SASH1: variants seen among roughly 807,000 people sequenced by gnomAD.
SASH1 encodes the protein SAM and SH3 domain-containing protein 1.
SASH1 carries 44 observed loss-of-function variants against 125.2 expected under a neutral mutation model. That is an observed-to-expected ratio of 0.35 (90% CI 0.28 to 0.45). The LOEUF is 0.45. Among genes scored for constraint, SASH1 ranks in the 20% least tolerant of loss-of-function variants. The pLI is 1.00. For missense variants in SASH1, 1,426 were observed against 1,614.5 expected (o/e 0.88, Z 2.00); for synonymous variants, 639 against 649.1 (o/e 0.98, Z 0.24).
intron 1 of SASH1, among the ~76,000 whole-genome samples, chr6:148,317,789 G>C: frequency 6.6e-6 from 1 of 152,156 alleles, no homozygotes; most frequent in East Asian, 1.9e-4. Context: ...ATCCATTCAG[G>C]TTCCATTCAT....
chr6:148,531,347 G>A (rs1203692241), intron 12 of SASH1, among the ~76,000 whole-genome samples, 179 bp from the exon 13 acceptor site: 2 of 152,144 alleles, frequency 1.3e-5, no homozygotes, highest in East Asian at 3.8e-4. Flanking sequence ...AGTGACATTG[G>A]CCACGACTTT....
intron 1 of SASH1, among the ~76,000 whole-genome samples, chr6:148,318,645 C>T (rs1205498654): frequency 7.7e-6 from 1 of 130,334 alleles, no homozygotes; most frequent in Non-Finnish European, 1.7e-5. Flanking sequence ...CTCCGCCTCC[C>T]GGGTTCAAGC....
rs185953825 is a variant in SASH1, at chr6:148,420,952, G to A, written c.286-19232G>A. ...ACAAAAATTAGCTGGGTGTGTTGGCGCGTGCCTGTAATCCCAGCTACTCAG... is the reference window on the plus strand; with the variant it reads ...ACAAAAATTAGCTGGGTGTGTTGGCACGTGCCTGTAATCCCAGCTACTCAG... On this transcript the variant is annotated intron_variant, in intron 2 of 19. Coordinates refer to ENST00000367467, the MANE Select transcript of SASH1 (RefSeq NM_015278.5). 2.9e-4 allele frequency among the ~76,000 whole-genome samples: 44 copies of A among 151,920 alleles called. No individual in the cohort carries two copies. The East Asian group carries it at 6.0e-3, about 21-fold the overall frequency.
chr6:148,376,637 G>GCAT (rs1168268528), intron 1 of SASH1, among the ~76,000 whole-genome samples: 1 of 151,974 alleles, frequency 6.6e-6, no homozygotes, highest in Non-Finnish European at 1.5e-5. Flanking sequence ...TGAGGCAAGA[G>GCAT]CATCACATTG....
At chr6:148,308,778 T>C (rs1056250708) in intron 1 of SASH1, among the ~76,000 whole-genome samples, 1 of 151,440 alleles carries the variant, frequency 6.6e-6, no homozygotes, top group African/African-American at 2.4e-5. Context: ...TTGTTCCTTG[T>C]CAGTCCATAA....
At chr6:148,305,789 A>G (rs1163207352) in intron 1 of SASH1, among the ~76,000 whole-genome samples, 3 of 152,216 alleles carry the variant, frequency 2.0e-5, no homozygotes, top group Non-Finnish European at 4.4e-5. Context: ...AACCAAAGAT[A>G]GTGACGCACC....
intron 1 of SASH1, among the ~76,000 whole-genome samples, chr6:148,388,190 C>A (rs1310774930): frequency 2.0e-5 from 3 of 152,148 alleles, no homozygotes; most frequent in African/African-American, 4.8e-5. Context: ...GCTGGGATTA[C>A]AGGCGTGAGC....
At chr6:148,437,196 T>G (rs564657747) in intron 2 of SASH1, among the ~76,000 whole-genome samples, 1 of 152,320 alleles carries the variant, frequency 6.6e-6, no homozygotes, top group South Asian at 2.1e-4. Context: ...ATTTTGCCAA[T>G]AGTTTATTCC....
chr6:148,280,650 G>GA (rs1232125595), intron 1 of SASH1, among the ~76,000 whole-genome samples: 1 of 151,654 alleles, frequency 6.6e-6, no homozygotes, highest in East Asian at 1.9e-4. Flanking sequence ...CCTACAAAAA[G>GA]AAAAAAAATT....
chr6:148,257,329 A>G, the SASH1 span, among the ~76,000 whole-genome samples: 1 of 152,178 alleles, frequency 6.6e-6, no homozygotes, highest in East Asian at 1.9e-4. Flanking sequence ...CCTGAGTCAC[A>G]TAGGGTTGGC....
intron 8 of SASH1, chr6:148,514,096 G>C: frequency 8.0e-7 from 1 of 1,254,408 alleles, no homozygotes; most frequent in Non-Finnish European, 1.0e-6. Flanking sequence ...ACTTGCCCTT[G>C]AGGGCAAGGA....
In SASH1 at chr6:148,343,118, CGAGCCG is replaced by C. The variant is rs1229112509; in HGVS notation, c.57_62del (p.Glu22_Pro23del). On this transcript the variant is annotated inframe_deletion, in exon 1 of 20. Coordinates refer to ENST00000367467, the MANE Select transcript of SASH1 (RefSeq NM_015278.5). ...CGGGGCCGGAGCCTGAGCCCGAGCC[CGAGCCG>C]GAGCCCGAGCCCGCGCCGGAGCCGG... 1.0e-5 allele frequency: 16 copies of C among 1,588,194 alleles called. No individual in the cohort carries two copies. The highest frequency in any genetic ancestry group is 1.3e-5 in the Non-Finnish European group (15 of 1,174,188).
intron 17 of SASH1, among the ~76,000 whole-genome samples, 183 bp downstream of exon 17, chr6:148,540,739 TTAA>T (rs1782169496): frequency 6.6e-6 from 1 of 152,158 alleles, no homozygotes; most frequent in Admixed American, 6.5e-5. Context: ...CTGGGTGAGG[TTAA>T]TAAATTCTGT....
intron 7 of SASH1, among the ~76,000 whole-genome samples, chr6:148,475,715 T>G (rs1778311669): frequency 6.6e-6 from 1 of 152,168 alleles, no homozygotes. Flanking sequence ...TATACTCAGT[T>G]TAGTTTAATA....
chr6:148,548,815 A>G lies in SASH1; in HGVS notation c.*257A>G. On this transcript the variant is annotated 3_prime_UTR_variant, in exon 20 of 20. Transcript: ENST00000367467. ...GCACTTATTTTTATTTTCAGAAGAC[A>G]AAAGAACCAAGATGCCAACTGGCTG... is the stretch of plus-strand genomic sequence containing the variant. 2.5e-6 allele frequency: 1 copy of G among 398,940 alleles called. No homozygotes were observed. Among genetic ancestry groups the G allele is most frequent in the Non-Finnish European group, 4.4e-6 (1 of 224,800 alleles). 24.7% of individuals were successfully genotyped at this position (398,940 alleles called of 1,614,324 possible). A position where few individuals can be genotyped will look rare whatever the true frequency, so the allele number is the denominator to read the frequency against.
intron 2 of SASH1, among the ~76,000 whole-genome samples, chr6:148,396,937 C>T (rs1341919038): frequency 2.6e-5 from 4 of 152,140 alleles, no homozygotes; most frequent in Non-Finnish European, 5.9e-5. Context: ...CTTTCCGTTC[C>T]TTTCTGTTCT....
At chr6:148,266,262 C>T in the SASH1 span, among the ~76,000 whole-genome samples, 1 of 152,210 alleles carries the variant, frequency 6.6e-6, no homozygotes, top group East Asian at 1.9e-4. Context: ...AGCCACCGTG[C>T]CCAGCTCAGA....
At chr6:148,433,645 C>A in intron 2 of SASH1, among the ~76,000 whole-genome samples, 1 of 151,866 alleles carries the variant, frequency 6.6e-6, no homozygotes, top group East Asian at 1.9e-4. Context: ...ATCTCGTGAT[C>A]CGCCCGCCTC....
chr6:148,220,633 G>T, the SASH1 span, among the ~76,000 whole-genome samples: 1 of 152,188 alleles, frequency 6.6e-6, no homozygotes, highest in Non-Finnish European at 1.5e-5. Flanking sequence ...AAAATGCTCA[G>T]TCTGGACATG....
Sources: gnomAD v4.1 joint callset for allele counts (sites outside exome capture counted in the v4.1 genomes callset) on GRCh38, gnomAD v4.1.1 for gene constraint, MANE v1.5 for transcripts, NCBI Gene and HGNC (gene_info 2026-07-23, HGNC 2026-07-21) for gene names.